MTBP: variants seen among roughly 807,000 people sequenced by gnomAD.
MTBP encodes MDM2 binding protein.
A neutral mutation model predicts 117.0 loss-of-function variants in MTBP; 101 were observed. That is an observed-to-expected ratio of 0.86 (90% CI 0.73 to 1.02). The LOEUF is 1.02. Among genes scored for constraint, MTBP ranks in the 50% least tolerant of loss-of-function variants. The pLI, the probability that MTBP is intolerant of heterozygous loss-of-function variation, is 0.00. For synonymous variants in MTBP, 350 were observed against 351.5 expected, an observed-to-expected ratio of 1.00 and a Z score of 0.05; for missense variants, 970 against 1,030.9, an observed-to-expected ratio of 0.94 and a Z score of 0.81.
intron 10 of MTBP, among the ~76,000 whole-genome samples, chr8:120,468,313 C>T (rs116552210): frequency 0.018 from 2,684 of 152,074 alleles, 80 homozygotes; most frequent in African/African-American, 0.062. Context: ...GGTTTCAGAC[C>T]ATGAATTTTA....
intron 12 of MTBP, 99 bp downstream of exon 12, chr8:120,488,431 A>G: frequency 1.1e-6 from 1 of 903,080 alleles, no homozygotes; most frequent in Non-Finnish European, 1.5e-6. Context: ...CATTTAATGA[A>G]TTTATTTTCG....
chr8:120,446,091 A>G (rs1253255858), intron 1 of MTBP, among the ~76,000 whole-genome samples: 1 of 152,180 alleles, frequency 6.6e-6, no homozygotes, highest in Non-Finnish European at 1.5e-5. Flanking sequence ...TCAATATTGC[A>G]TTTTATGTGT....
intron 17 of MTBP, among the ~76,000 whole-genome samples, chr8:120,512,037 A>G (rs1367602812): frequency 1.3e-5 from 2 of 152,130 alleles, no homozygotes; most frequent in African/African-American, 2.4e-5. Context: ...ATAAAGCAGT[A>G]TCTCCCCCAC....
rs777380557 is a variant in MTBP at position 120,502,615 on chromosome 8, A to G, written c.1727+6A>G. ...AAAACTAAACAAAAAATGAGGTAAT[A>G]TTTGAATCTGTAGTAAAGCATGTGA... On this transcript the variant is annotated splice_donor_region_variant and intron_variant, in intron 15 of 21. Coordinates refer to ENST00000305949, the MANE Select transcript of MTBP (RefSeq NM_022045.5). The G allele has an allele frequency of 1.1e-5, 17 of 1,539,962 alleles. No homozygotes were observed. The highest frequency in any genetic ancestry group is 1.1e-4 in the South Asian group (9 of 84,646).
chr8:120,516,705 A>T (rs1404078751), intron 18 of MTBP, among the ~76,000 whole-genome samples: 3 of 152,082 alleles, frequency 2.0e-5, no homozygotes, highest in Non-Finnish European at 4.4e-5. Flanking sequence ...ATATCCAGAT[A>T]CTTGATCAGA....
At chr8:120,517,773 T>C (rs899956086) in intron 18 of MTBP, 78 bp from the exon 19 acceptor site, 27 of 1,410,692 alleles carry the variant, frequency 1.9e-5, no homozygotes, top group African/African-American at 4.2e-5. Context: ...GATATAGTTG[T>C]AATATTTAAG....
At chr8:120,460,883 C>T (rs1017729485) in intron 8 of MTBP, among the ~76,000 whole-genome samples, 3 of 152,086 alleles carry the variant, frequency 2.0e-5, no homozygotes, top group African/African-American at 4.8e-5. Flanking sequence ...AAGTTGAGAA[C>T]GCTTGTCCTC....
intron 20 of MTBP, among the ~76,000 whole-genome samples, chr8:120,520,356 T>A (rs1304648185): frequency 6.6e-6 from 1 of 151,958 alleles, no homozygotes; most frequent in Non-Finnish European, 1.5e-5. Context: ...TGAAAAAAAT[T>A]TACCAGAAAT....
intron 14 of MTBP, among the ~76,000 whole-genome samples, chr8:120,499,361 AGTT>A (rs1814533656): frequency 6.6e-6 from 1 of 151,968 alleles, no homozygotes; most frequent in African/African-American, 2.4e-5. Context: ...CCCCAGTTTC[AGTT>A]GTTTTATGTT....
chr8:120,457,828 A>G lies in MTBP; in HGVS notation c.747+1158A>G, dbSNP rs1359722124. ...AGTCCCAGCTACTCAAGAGGCTGGG[A>G]CTCTTGAGGCAGGAGAATGAGGCAG... On this transcript the variant is annotated intron_variant, in intron 7 of 21. Coordinates refer to ENST00000305949, the MANE Select transcript of MTBP (RefSeq NM_022045.5). Among the ~76,000 whole-genome samples, 4 of 150,650 alleles carry G rather than the reference A, an allele frequency of 2.7e-5. No homozygotes were observed. The South Asian group carries it at 6.3e-4, about 24-fold the overall frequency.
At chr8:120,492,854 C>G (rs988271686) in intron 13 of MTBP, among the ~76,000 whole-genome samples, 5 of 151,934 alleles carry the variant, frequency 3.3e-5, no homozygotes, top group African/African-American at 1.2e-4. Context: ...AATTTGTAAG[C>G]TTGTGACTTA....
chr8:120,518,114 T>C lies in MTBP; in HGVS notation c.2496+14T>C, dbSNP rs774618078. ...AAACACACACGGGTAAAGATTTATT[T>C]CCCATTTTTCTTAGTTCTACATAGG... On this transcript the variant is annotated intron_variant, in intron 19 of 21. Coordinates refer to ENST00000305949, the MANE Select transcript of MTBP (RefSeq NM_022045.5). The C allele has an allele frequency of 4.4e-6, 7 of 1,606,902 alleles. No homozygotes were observed. The Admixed American group carries it at 5.1e-5, about 12-fold the overall frequency.
At chr8:120,452,209 C>G (rs1190655209) in intron 4 of MTBP, 1 of 152,138 alleles carries the variant, frequency 6.6e-6, no homozygotes, top group African/African-American at 2.4e-5. Flanking sequence ...TCTTTCATAA[C>G]ATTTCATGAC....
chr8:120,450,115 GA>G (rs1389416801), intron 2 of MTBP, among the ~76,000 whole-genome samples: 1 of 152,164 alleles, frequency 6.6e-6, no homozygotes, highest in Non-Finnish European at 1.5e-5. Context: ...GGAGCAGACT[GA>G]AATGCAGGAA....
Position 120,463,721 on chromosome 8 carries a change from CTG to C in MTBP, c.1011_1012del (p.Leu338AlafsTer10). 6.2e-7 allele frequency: 1 copy of C among 1,611,568 alleles called. No homozygotes were observed. The highest frequency in any genetic ancestry group is 8.5e-7 in the Non-Finnish European group (1 of 1,178,456). Reference sequence around the variant, plus strand: ...TTGACAAACAGTACCAAACAGAATTCTGTGTTGCTGTTGGAGCAGATTTCTTC... The same window carrying C: ...TTGACAAACAGTACCAAACAGAATTCTGTTGCTGTTGGAGCAGATTTCTTC... On this transcript the variant is annotated frameshift_variant, in exon 10 of 22. Transcript: ENST00000305949. LOFTEE classifies it high-confidence loss of function.
At chr8:120,478,239 A>G (rs977212057) in intron 11 of MTBP, among the ~76,000 whole-genome samples, 1 of 151,912 alleles carries the variant, frequency 6.6e-6, no homozygotes, top group Non-Finnish European at 1.5e-5. Flanking sequence ...AACATCACAT[A>G]CTGGGGCCTG....
intron 17 of MTBP, among the ~76,000 whole-genome samples, chr8:120,511,247 T>G (rs760484531): frequency 7.2e-5 from 11 of 152,212 alleles, no homozygotes; most frequent in Admixed American, 6.5e-5. Context: ...AGCTTTTACT[T>G]AAACTATATT....
In MTBP at chr8:120,514,664, A is replaced by G. The variant is rs1032721278; in HGVS notation, c.1980-1261A>G. ...CCTGGGTTTACATTCTGGCTGTGCT[A>G]CATATTGTCAGCATACTGCCAGCTT... On this transcript the variant is annotated intron_variant, in intron 17 of 21. Transcript: ENST00000305949. Among the ~76,000 whole-genome samples the G allele has an allele frequency of 6.6e-5, 10 of 152,172 alleles. No homozygotes were observed. In the Middle Eastern group the frequency reaches 0.01, roughly 155 times the overall value.
At chr8:120,521,650 A>G (rs1316189812) in intron 20 of MTBP, among the ~76,000 whole-genome samples, 2 of 152,208 alleles carry the variant, frequency 1.3e-5, no homozygotes, top group African/African-American at 2.4e-5. Flanking sequence ...TACAACAGAT[A>G]ACTGCTTCTT....
Sources: gnomAD v4.1 joint callset for allele counts (sites outside exome capture counted in the v4.1 genomes callset) on GRCh38, gnomAD v4.1.1 for gene constraint, MANE v1.5 for transcripts, NCBI Gene and HGNC (gene_info 2026-07-23, HGNC 2026-07-21) for gene names.